The following BMPER variants were observed in gnomAD, a reference collection of about 807,000 sequenced individuals.
The protein encoded by BMPER is BMP-binding endothelial regulator protein.
Under a neutral mutation model 87.3 loss-of-function variants are expected in BMPER, and 45 were observed. That is an observed-to-expected ratio of 0.52 (90% CI 0.41 to 0.66). The LOEUF (loss-of-function observed/expected upper bound fraction) is 0.66, where lower values mean the gene tolerates loss of function less well. Ranked by LOEUF, BMPER falls within the 30% of genes least tolerant of loss-of-function variation. BMPER has a pLI of 0.00. For synonymous variants in BMPER, 326 were observed against 316.2 expected (o/e 1.03, Z -0.33); for missense variants, 784 against 867.5 (o/e 0.90, Z 1.21).
At chr7:34,086,976 A>G (rs1224372542) in intron 13 of BMPER, among the ~76,000 whole-genome samples, 1 of 152,182 alleles carries the variant, frequency 6.6e-6, no homozygotes, top group African/African-American at 2.4e-5. Context: ...TAAAATTAGA[A>G]AACTCCTGTG....
intron 13 of BMPER, among the ~76,000 whole-genome samples, chr7:34,099,491 GT>G (rs1562742875): frequency 1.3e-5 from 2 of 151,974 alleles, no homozygotes; most frequent in Admixed American, 6.6e-5. Flanking sequence ...TGACAAAATT[GT>G]CAAAATTATT....
At chr7:34,080,929 G>A (rs1288945990) in intron 12 of BMPER, among the ~76,000 whole-genome samples, 1 of 152,076 alleles carries the variant, frequency 6.6e-6, no homozygotes, top group African/African-American at 2.4e-5. Context: ...AATAATAATA[G>A]ATCATAAATG....
chr7:34,068,274 T>C (rs1788645744), intron 11 of BMPER, among the ~76,000 whole-genome samples: 1 of 152,188 alleles, frequency 6.6e-6, no homozygotes, highest in Non-Finnish European at 1.5e-5. Flanking sequence ...TCCAACCAGG[T>C]AGCTGGCCCG....
At chr7:34,094,390 C>T (rs919159864) in intron 13 of BMPER, among the ~76,000 whole-genome samples, 12 of 151,960 alleles carry the variant, frequency 7.9e-5, no homozygotes, top group Admixed American at 2.0e-4. Context: ...TGGGGGTGGC[C>T]GATTTTGAGG....
intron 6 of BMPER, among the ~76,000 whole-genome samples, chr7:33,980,211 A>G (rs1785813903): frequency 6.6e-6 from 1 of 152,220 alleles, no homozygotes; most frequent in Non-Finnish European, 1.5e-5. Flanking sequence ...AGCCAAGAGA[A>G]TCACTTCTTC....
chr7:34,073,397 A>T (rs1788785536), intron 11 of BMPER, among the ~76,000 whole-genome samples: 1 of 152,246 alleles, frequency 6.6e-6, no homozygotes. Context: ...GTAGGCAATG[A>T]TAATACAATG....
At chr7:33,990,941 C>G (rs1786194017) in intron 6 of BMPER, among the ~76,000 whole-genome samples, 1 of 124,428 alleles carries the variant, frequency 8.0e-6, no homozygotes, top group Admixed American at 9.1e-5. Context: ...TATATTGAAC[C>G]AGCCTTGCAT....
intron 5 of BMPER, among the ~76,000 whole-genome samples, chr7:33,972,855 C>G (rs1239468027): frequency 1.2e-4 from 18 of 152,144 alleles, no homozygotes; most frequent in Admixed American, 1.2e-3. Flanking sequence ...CTTTGGGATG[C>G]AAATTGGAGG....
intron 2 of BMPER, among the ~76,000 whole-genome samples, chr7:33,926,822 C>T (rs1784372933): frequency 6.6e-6 from 1 of 152,222 alleles, no homozygotes; most frequent in Non-Finnish European, 1.5e-5. Flanking sequence ...CTAGAGAGCT[C>T]CTATTCCCTT....
At chr7:34,049,599 G>A (rs1202233299) in intron 7 of BMPER, among the ~76,000 whole-genome samples, 1 of 152,158 alleles carries the variant, frequency 6.6e-6, no homozygotes, top group Non-Finnish European at 1.5e-5. Flanking sequence ...TGAAGAAGGT[G>A]CATTTTGATT....
At chr7:33,924,430 C>T (rs761730087) in intron 2 of BMPER, among the ~76,000 whole-genome samples, 29 of 152,236 alleles carry the variant, frequency 1.9e-4, no homozygotes, top group Non-Finnish European at 2.5e-4. Flanking sequence ...CTGCGCGCTG[C>T]GGCTCCGGAC....
intron 11 of BMPER, among the ~76,000 whole-genome samples, chr7:34,075,929 T>G (rs911608244): frequency 6.6e-6 from 1 of 152,144 alleles, no homozygotes; most frequent in African/African-American, 2.4e-5. Context: ...AGGGCCAAGG[T>G]TTCAAAATTA....
chr7:34,016,071 A>G (rs369057516), intron 6 of BMPER, among the ~76,000 whole-genome samples: 1 of 151,886 alleles, frequency 6.6e-6, no homozygotes, highest in African/African-American at 2.4e-5. Context: ...TAAGGCTTTT[A>G]CAGAAAACTC....
chr7:34,089,802 T>C (rs765372615), intron 13 of BMPER, among the ~76,000 whole-genome samples: 1 of 152,210 alleles, frequency 6.6e-6, no homozygotes, highest in Non-Finnish European at 1.5e-5. Flanking sequence ...CTATGGTTTA[T>C]AACTCCTATT....
intron 6 of BMPER, among the ~76,000 whole-genome samples, chr7:34,031,749 A>G (rs1027767993): frequency 1.3e-5 from 2 of 151,656 alleles, no homozygotes; most frequent in Admixed American, 6.6e-5. Context: ...TGTTGCATAT[A>G]ATTTTCACAA....
intron 6 of BMPER, among the ~76,000 whole-genome samples, chr7:34,032,008 TG>T (rs1787540039): frequency 1.4e-5 from 2 of 146,274 alleles, no homozygotes; most frequent in South Asian, 4.3e-4. Flanking sequence ...TGTGTGTGTG[TG>T]TATATATATA....
At chr7:34,111,170 G>T (rs10228731) in intron 13 of BMPER, among the ~76,000 whole-genome samples, 89,371 of 151,852 alleles carry the variant, frequency 0.59, 26,752 homozygotes, top group East Asian at 0.83. Flanking sequence ...TTATTTTTTC[G>T]TAAGCGTTTA....
intron 13 of BMPER, among the ~76,000 whole-genome samples, chr7:34,106,365 CCCTGACTTT>C (rs1789817831): frequency 1.3e-5 from 2 of 152,304 alleles, no homozygotes; most frequent in South Asian, 2.1e-4. Flanking sequence ...TGGATAACTT[CCCTGACTTT>C]CCTTGTCTGT....
intron 3 of BMPER, among the ~76,000 whole-genome samples, chr7:33,950,739 A>T (rs563055947): frequency 6.6e-6 from 1 of 152,046 alleles, no homozygotes; most frequent in Non-Finnish European, 1.5e-5. Context: ...CATCACATTC[A>T]CAGGTTTTGC....
Sources: allele counts gnomAD v4.1 joint callset (sites outside exome capture counted in the v4.1 genomes callset), GRCh38; gene constraint gnomAD v4.1.1; transcripts MANE v1.5; gene names NCBI Gene and HGNC (gene_info 2026-07-23, HGNC 2026-07-21).